TTC7A: variants seen among roughly 807,000 people sequenced by gnomAD.
TTC7A encodes tetratricopeptide repeat domain 7A, also known as tetratricopeptide repeat protein 7A.
Under a neutral mutation model 103.7 loss-of-function variants are expected in TTC7A, and 110 were observed. The ratio of observed to expected loss-of-function variants is 1.06; its 90% CI spans 0.91 to 1.24. The LOEUF (loss-of-function observed/expected upper bound fraction) is 1.24. Among genes scored for constraint, TTC7A ranks in the 50% most tolerant of loss-of-function variants. TTC7A has a pLI of 0.00. For missense variants in TTC7A, 1,340 were observed against 1,116.3 expected (o/e 1.20, Z -2.86); for synonymous variants, 521 against 467.9 (o/e 1.11, Z -1.47).
In TTC7A at chr2:47,007,286, G is replaced by C. The variant is rs995829577; in HGVS notation, c.1287+562G>C. 6.6e-6 allele frequency among the ~76,000 whole-genome samples: 1 copy of C among 152,062 alleles called. No individual in the cohort carries two copies. The highest frequency in any genetic ancestry group is 1.5e-5 in the Non-Finnish European group (1 of 67,990). ...CGCTGCCCGGAGCAAGGAGCACCGG[G>C]CATGAGTTCACTCTCTATCCACCCA... On this transcript the variant is annotated intron_variant, in intron 10 of 19. Transcript: ENST00000319190. This position sits in a 1 kb window ranked among gnomAD's most constrained non-coding sequence, Gnocchi z 4.9.
At chr2:46,950,895 A>T (rs944159878) in intron 2 of TTC7A, among the ~76,000 whole-genome samples, 24 of 152,166 alleles carry the variant, frequency 1.6e-4, no homozygotes, top group Non-Finnish European at 3.1e-4. Context: ...CAGTGTGACT[A>T]AAAAAAATCT....
chr2:46,990,475 G>T (rs371111308), intron 5 of TTC7A, among the ~76,000 whole-genome samples: 26 of 152,230 alleles, frequency 1.7e-4, no homozygotes, highest in African/African-American at 5.8e-4. Context: ...AAGGGTCCCT[G>T]CAGGCACTTG....
chr2:46,985,353 G>A (rs892973347), intron 5 of TTC7A, among the ~76,000 whole-genome samples: 1 of 152,194 alleles, frequency 6.6e-6, no homozygotes, highest in Non-Finnish European at 1.5e-5. Context: ...AAGTCTTGGC[G>A]TGTAAGTAGC....
At chr2:46,919,388 C>T (rs1204380180) in intron 2 of TTC7A, among the ~76,000 whole-genome samples, 1 of 152,088 alleles carries the variant, frequency 6.6e-6, no homozygotes, top group Admixed American at 6.6e-5. Context: ...ACAAAATTAG[C>T]TGGGTGTGGT....
intron 19 of TTC7A, among the ~76,000 whole-genome samples, chr2:47,062,379 G>A (rs186172747): frequency 6.6e-6 from 1 of 152,326 alleles, no homozygotes; most frequent in East Asian, 1.9e-4. Flanking sequence ...AATGAAGAAA[G>A]CCCGTGCAGC....
intron 15 of TTC7A, among the ~76,000 whole-genome samples, chr2:47,040,177 T>C (rs747943132): frequency 1.6e-4 from 24 of 152,200 alleles, no homozygotes; most frequent in Admixed American, 6.5e-5. Flanking sequence ...AGGGGGCTTC[T>C]GTCTGCACTG....
chr2:47,073,598 G>A (rs905949341), intron 19 of TTC7A, 104 bp from the exon 20 acceptor site: 13 of 958,060 alleles, frequency 1.4e-5, no homozygotes, highest in South Asian at 2.9e-5. Context: ...GAATCCTCTC[G>A]AGCTGATGGC....
Position 47,060,947 on chromosome 2 carries a change from T to C in TTC7A, c.2331T>C (p.Asp777=), listed in dbSNP as rs1481565460. The change falls in exon 19 of 20, where the codon GAT becomes GAC. Residue 777 remains aspartate, a synonymous_variant. Coordinates refer to ENST00000319190, the MANE Select transcript of TTC7A (RefSeq NM_020458.4). ...LYKEALTVNP[D]GVRIMHSLGL... is the part of the protein sequence containing the mutation. ...AGGAGGCGCTCACGGTGAACCCAGA[T>C]GGCGTGCGCATCATGCATAGCCTGG... The C allele has an allele frequency of 1.2e-6, 2 of 1,613,596 alleles. No homozygotes were observed. Among genetic ancestry groups the C allele is most frequent in the Non-Finnish European group, 1.7e-6 (2 of 1,179,800 alleles).
At chr2:47,018,583 CAA>C (rs201896192) in intron 11 of TTC7A, among the ~76,000 whole-genome samples, 24 of 77,314 alleles carry the variant, frequency 3.1e-4, no homozygotes, top group African/African-American at 4.0e-4. Context: ...GACTCCATCT[CAA>C]AAAAAAAAAA....
At chr2:46,928,196 A>G (rs1669499180) in intron 2 of TTC7A, among the ~76,000 whole-genome samples, 1 of 151,962 alleles carries the variant, frequency 6.6e-6, no homozygotes, top group South Asian at 2.1e-4. Flanking sequence ...CCAGCCTTGT[A>G]TTAGTTTTCT....
intron 14 of TTC7A, among the ~76,000 whole-genome samples, chr2:47,026,570 T>A (rs1679938027): frequency 6.6e-6 from 1 of 152,018 alleles, no homozygotes; most frequent in Non-Finnish European, 1.5e-5. Flanking sequence ...ACTCATGGGG[T>A]TCCTGCAGGG....
At chr2:46,961,292 T>A (rs978243086) in intron 3 of TTC7A, among the ~76,000 whole-genome samples, 8 of 152,166 alleles carry the variant, frequency 5.3e-5, no homozygotes, top group Non-Finnish European at 1.2e-4. Flanking sequence ...TTAAAAATAA[T>A]CAGGCCGGGC....
chr2:47,038,629 T>C (rs1681393711), intron 15 of TTC7A, among the ~76,000 whole-genome samples: 1 of 86,938 alleles, frequency 1.2e-5, no homozygotes, highest in African/African-American at 4.5e-5. Flanking sequence ...TGCTGCCACT[T>C]CCCACCCACC....
At chr2:47,008,932 G>T (rs1175321762) in intron 10 of TTC7A, among the ~76,000 whole-genome samples, 1 of 151,902 alleles carries the variant, frequency 6.6e-6, no homozygotes, top group Non-Finnish European at 1.5e-5. Flanking sequence ...TGCTCCGGCT[G>T]CTGAGTCCTC....
chr2:47,006,495 C>T (rs1677406171), intron 9 of TTC7A, 146 bp from the exon 10 acceptor site: 10 of 707,798 alleles, frequency 1.4e-5, no homozygotes, highest in South Asian at 6.8e-5. Flanking sequence ...AACTGGGTTT[C>T]GGCAGGGTGT....
chr2:46,950,437 G>T lies in TTC7A; in HGVS notation c.259G>T (p.Asp87Tyr). The T allele has an allele frequency of 2.5e-6, 4 of 1,614,168 alleles. No individual in the cohort carries two copies. Among genetic ancestry groups the T allele is most frequent in the Non-Finnish European group, 3.4e-6 (4 of 1,180,030 alleles). Residue 87 changes from aspartate (D) to tyrosine (Y), a missense_variant, in exon 2 of 20, where the codon GAC becomes TAC. Coordinates refer to ENST00000319190, the MANE Select transcript of TTC7A (RefSeq NM_020458.4). ...CLKENHAKIKDSMPLLEKNEP... is the reference protein window; with the variant it reads ...CLKENHAKIKYSMPLLEKNEP... ...GAAGGAGAACCATGCCAAAATAAAA[G>T]ACTCCATGCCTTTGCTGGAGAAGAA...
chr2:46,982,781 T>G (rs899570663), intron 5 of TTC7A, among the ~76,000 whole-genome samples: 11 of 151,976 alleles, frequency 7.2e-5, no homozygotes, highest in Non-Finnish European at 1.5e-4. Flanking sequence ...CTGGACAACA[T>G]AGTGAGACCG....
intron 9 of TTC7A, 70 bp downstream of exon 9, chr2:47,006,129 C>G: frequency 6.4e-7 from 1 of 1,571,234 alleles, no homozygotes; most frequent in Non-Finnish European, 8.7e-7. Context: ...CAGACAGAGC[C>G]ATTTGTCCCT....
chr2:47,018,992 C>G (rs191448433), intron 11 of TTC7A, among the ~76,000 whole-genome samples: 61 of 152,232 alleles, frequency 4.0e-4, no homozygotes, highest in Admixed American at 9.8e-4. Context: ...GGGCTGATTC[C>G]GGAGTTGGGT....
Sources: gnomAD v4.1 joint callset for allele counts (sites outside exome capture counted in the v4.1 genomes callset) on GRCh38, gnomAD v4.1.1 for gene constraint, Gnocchi (gnomAD v3.1) non-coding constraint, MANE v1.5 for transcripts, NCBI Gene and HGNC (gene_info 2026-07-23, HGNC 2026-07-21) for gene names.